Variants in KCNT2 observed in about 807,000 individuals in gnomAD.
KCNT2 encodes potassium channel subfamily T member 2.
Under a neutral mutation model 153.8 loss-of-function variants are expected in KCNT2, and 67 were observed. The ratio of observed to expected loss-of-function variants is 0.44; its 90% CI spans 0.36 to 0.53. The LOEUF is 0.53. Ranked by LOEUF, KCNT2 falls within the 20% of genes least tolerant of loss-of-function variation. KCNT2 has a pLI of 0.00. For missense variants in KCNT2, 975 were observed against 1,354.8 expected (o/e 0.72, Z 4.40); for synonymous variants, 500 against 458.8 (o/e 1.09, Z -1.15).
chr1:196,557,868 G>C (rs1374352665), intron 1 of KCNT2, among the ~76,000 whole-genome samples: 4 of 151,150 alleles, frequency 2.6e-5, no homozygotes, highest in African/African-American at 7.3e-5. Context: ...ACTATTTTAA[G>C]GTGCGTCTTT....
intron 1 of KCNT2, among the ~76,000 whole-genome samples, chr1:196,510,095 T>C (rs775780263): frequency 6.6e-6 from 1 of 152,074 alleles, no homozygotes; most frequent in Non-Finnish European, 1.5e-5. Flanking sequence ...TATGTATATA[T>C]AGTACACTCA....
rs570301364 is a variant in KCNT2 at position 196,504,224 on chromosome 1, T to C, written c.96-11883A>G. On this transcript the variant is annotated intron_variant, in intron 1 of 27. Coordinates refer to ENST00000294725, the MANE Select transcript of KCNT2 (RefSeq NM_198503.5). Reference sequence around the variant, plus strand: ...GCATTAGGTATATCTCCTAATGCTATCCCTCCCCCCTCCCCCCATCCCACA... The same window carrying C: ...GCATTAGGTATATCTCCTAATGCTACCCCTCCCCCCTCCCCCCATCCCACA... 6.3e-3 allele frequency among the ~76,000 whole-genome samples: 854 copies of C among 135,362 alleles called. 8 individuals are homozygous for C. Among genetic ancestry groups the C allele is most frequent in the Non-Finnish European group, 0.01 (642 of 63,106 alleles). 88.8% of individuals were successfully genotyped at this position (135,362 alleles called of 152,430 possible). A position where few individuals can be genotyped will look rare whatever the true frequency, so the allele number is the denominator to read the frequency against.
chr1:196,326,424 C>A (rs986656709), intron 19 of KCNT2, among the ~76,000 whole-genome samples: 4 of 151,946 alleles, frequency 2.6e-5, no homozygotes, highest in Non-Finnish European at 5.9e-5. Flanking sequence ...AGGAAAATTG[C>A]AGTAATTATT....
Position 196,342,099 on chromosome 1 carries a change from G to A in KCNT2, c.1533C>T (p.Ala511=), listed in dbSNP as rs753076616. The A allele has an allele frequency of 2.5e-6, 4 of 1,605,306 alleles. No homozygotes were observed. The South Asian group carries it at 4.5e-5, about 18-fold the overall frequency. Residue 511 remains alanine, a synonymous_variant, in exon 15 of 28, where the codon GCC becomes GCT. Transcript: ENST00000294725. ...CATACTTTTTGTGTGCATGGAAAGAGGCATATGTAAAACTCTTTCCTTCAT... is the reference window on the plus strand; with the variant it reads ...CATACTTTTTGTGTGCATGGAAAGAAGCATATGTAAAACTCTTTCCTTCAT... The part of the protein sequence containing the change: ...AEYEGKSFTY[A]SFHAHKKFGV...
At chr1:196,305,524 G>A (rs138576643) in intron 21 of KCNT2, among the ~76,000 whole-genome samples, 179 bp from the exon 22 acceptor site, 30 of 152,172 alleles carry the variant, frequency 2.0e-4, no homozygotes, top group Non-Finnish European at 2.6e-4. Flanking sequence ...ACTATTTCCC[G>A]AAGAATATTT....
chr1:196,396,439 G>T (rs914162051), intron 13 of KCNT2, among the ~76,000 whole-genome samples: 9 of 151,502 alleles, frequency 5.9e-5, no homozygotes, highest in Admixed American at 5.3e-4. Context: ...TTTCTTGAGG[G>T]CCATTATTTA....
chr1:196,555,303 G>A (rs1658492591), intron 1 of KCNT2, among the ~76,000 whole-genome samples: 1 of 151,380 alleles, frequency 6.6e-6, no homozygotes, highest in Non-Finnish European at 1.5e-5. Flanking sequence ...ATTCAGTAAA[G>A]TCGCAGGATA....
intron 12 of KCNT2, 93 bp from the exon 13 acceptor site, chr1:196,398,764 C>G (rs115946414): frequency 9.5e-6 from 6 of 629,704 alleles, no homozygotes; most frequent in African/African-American, 1.9e-5. Context: ...TGGTCACATC[C>G]ATAGTTAAAA....
At chr1:196,387,646 C>A (rs1161609199) in intron 13 of KCNT2, among the ~76,000 whole-genome samples, 3 of 151,872 alleles carry the variant, frequency 2.0e-5, no homozygotes, top group African/African-American at 4.8e-5. Flanking sequence ...TTCCAATCTT[C>A]ATTTTGCTGA....
chr1:196,288,928 G>T (rs1030992972), intron 22 of KCNT2, among the ~76,000 whole-genome samples: 3 of 152,094 alleles, frequency 2.0e-5, no homozygotes, highest in South Asian at 2.1e-4. Flanking sequence ...AAGTGTTTCC[G>T]CTTACTAATT....
At chr1:196,286,708 T>A (rs946921777) in intron 22 of KCNT2, among the ~76,000 whole-genome samples, 2 of 151,848 alleles carry the variant, frequency 1.3e-5, no homozygotes, top group African/African-American at 2.4e-5. Context: ...GGGGGTGATA[T>A]GGTGTATGAG....
chr1:196,462,601 A>G (rs1322097600), intron 8 of KCNT2, among the ~76,000 whole-genome samples: 1 of 151,234 alleles, frequency 6.6e-6, no homozygotes, highest in African/African-American at 2.4e-5. Flanking sequence ...TTGAAATGGA[A>G]AAAAAAAACT....
rs199613313 is a variant in KCNT2 at position 196,534,929 on chromosome 1, A to G, written c.96-42588T>C. On this transcript the variant is annotated intron_variant, in intron 1 of 27. Transcript: ENST00000294725. Reference sequence around the variant, plus strand: ...AATTTTCCTAGTAGAGACTAGCCACAGCCTGGACTGCATAATAACTACCCT... The same window carrying G: ...AATTTTCCTAGTAGAGACTAGCCACGGCCTGGACTGCATAATAACTACCCT... Among the ~76,000 whole-genome samples the G allele has an allele frequency of 5.9e-5, 9 of 152,336 alleles. No individual in the cohort carries two copies. The East Asian group carries it at 1.5e-3, about 26-fold the overall frequency.
Position 196,428,268 on chromosome 1 carries a change from A to T in KCNT2, c.821T>A (p.Phe274Tyr), listed in dbSNP as rs1572413751. The change falls in exon 10 of 28, where the codon TTT (phenylalanine) becomes TAT (tyrosine). Residue 274 changes from phenylalanine to tyrosine, a missense_variant and splice_region_variant. Physicochemically the swap from Phe to Tyr is conservative, Grantham distance 22. This residue lies in a region of KCNT2 where 202 missense variants were observed against 314.9 expected (regional missense o/e 0.64). Coordinates refer to ENST00000294725, the MANE Select transcript of KCNT2 (RefSeq NM_198503.5). ...CATCCACAAATAAGCCAGCTGTTCA[A>T]ACTGTAATATATTTTCCACATGTGA... ...CVALVVLPIQ[F>Y]EQLAYLWMER... is the part of the protein sequence containing the mutation. The T allele has an allele frequency of 6.2e-7, 1 of 1,610,048 alleles. No homozygotes were observed. The highest frequency in any genetic ancestry group is 1.1e-5 in the South Asian group (1 of 90,934).
At chr1:196,608,039 A>T (rs1471007437) in intron 1 of KCNT2, among the ~76,000 whole-genome samples, 176 bp downstream of exon 1, 1 of 152,172 alleles carries the variant, frequency 6.6e-6, no homozygotes, top group African/African-American at 2.4e-5. Flanking sequence ...CTATAGCAAC[A>T]GTTATATAGA....
chr1:196,389,388 G>C (rs1406741596), intron 13 of KCNT2, among the ~76,000 whole-genome samples: 1 of 151,332 alleles, frequency 6.6e-6, no homozygotes, highest in Non-Finnish European at 1.5e-5. Context: ...TTTATTTTCT[G>C]GATATAAGCT....
intron 26 of KCNT2, among the ~76,000 whole-genome samples, chr1:196,254,059 T>C (rs528372090): frequency 3.3e-5 from 5 of 151,672 alleles, no homozygotes; most frequent in Admixed American, 2.6e-4. Flanking sequence ...CTTTATATTT[T>C]AATTTAAGGA....
intron 20 of KCNT2, among the ~76,000 whole-genome samples, chr1:196,319,003 C>A (rs540254673): frequency 1.1e-4 from 16 of 151,502 alleles, no homozygotes; most frequent in Non-Finnish European, 1.8e-4. Context: ...CACATATGAC[C>A]TTTTCATTAA....
chr1:196,605,649 A>G (rs771173064), intron 1 of KCNT2, among the ~76,000 whole-genome samples: 5 of 152,312 alleles, frequency 3.3e-5, no homozygotes, highest in East Asian at 3.9e-4. Flanking sequence ...CCTCAACTCT[A>G]TAAGAATTGA....
Sources: allele counts gnomAD v4.1 joint callset (sites outside exome capture counted in the v4.1 genomes callset), GRCh38; gene constraint gnomAD v4.1.1; regional missense constraint gnomAD v4.1.1; transcripts MANE v1.5; gene names NCBI Gene and HGNC (gene_info 2026-07-23, HGNC 2026-07-21).